The following TRIO variants were observed in gnomAD, a reference collection of about 807,000 sequenced individuals.
TRIO encodes the protein trio Rho guanine nucleotide exchange factor.
A neutral mutation model predicts 351.9 loss-of-function variants in TRIO; 58 were observed. The observed-to-expected ratio is 0.16, with a 90% CI of 0.13 to 0.21. TRIO has a LOEUF of 0.21. TRIO is among the 10% of genes least tolerant of loss of function. The probability of loss-of-function intolerance (pLI) is 1.00; values close to 1 mark genes in which losing one functional copy is unlikely to be tolerated. For missense variants in TRIO, 3,201 were observed against 4,027.8 expected (o/e 0.79, Z 5.56); for synonymous variants, 1,758 against 1,595.7 (o/e 1.10, Z -2.42).
At chr5:14,463,241 G>A (rs1296572340) in intron 36 of TRIO, among the ~76,000 whole-genome samples, 1 of 152,216 alleles carries the variant, frequency 6.6e-6, no homozygotes, top group Non-Finnish European at 1.5e-5. Context: ...TAGAATCCCT[G>A]AGAGAACAAT....
intron 1 of TRIO, among the ~76,000 whole-genome samples, chr5:14,246,138 G>C (rs1025006939): frequency 6.6e-6 from 1 of 152,070 alleles, no homozygotes; most frequent in African/African-American, 2.4e-5. Context: ...CTACAGTTTC[G>C]TTGTATCCTT....
At chr5:14,503,392 C>T (rs576679942) in intron 54 of TRIO, among the ~76,000 whole-genome samples, 9 of 152,246 alleles carry the variant, frequency 5.9e-5, no homozygotes, top group Middle Eastern at 3.2e-3. Flanking sequence ...AAAAGTCACA[C>T]CAGCACATGC....
At chr5:14,276,758 G>A (rs946550183) in intron 2 of TRIO, among the ~76,000 whole-genome samples, 1 of 152,222 alleles carries the variant, frequency 6.6e-6, no homozygotes, top group African/African-American at 2.4e-5. Flanking sequence ...CTAAATAAGT[G>A]AAAGGTGAGC....
chr5:14,383,640 G>C (rs1475234694), intron 21 of TRIO, among the ~76,000 whole-genome samples: 1 of 152,118 alleles, frequency 6.6e-6, no homozygotes, highest in African/African-American at 2.4e-5. Context: ...TTCTTTTGTT[G>C]GGTTTATTGA....
intron 1 of TRIO, among the ~76,000 whole-genome samples, chr5:14,166,362 C>T (rs1788763853): frequency 6.6e-6 from 1 of 152,224 alleles, no homozygotes; most frequent in South Asian, 2.1e-4. Context: ...CCCCTTTAAG[C>T]ACAGTTTTGT....
At chr5:14,409,106 T>A (rs892977347) in intron 33 of TRIO, among the ~76,000 whole-genome samples, 1 of 152,048 alleles carries the variant, frequency 6.6e-6, no homozygotes, top group Non-Finnish European at 1.5e-5. Flanking sequence ...CCACGACTTA[T>A]CTCCTGCGTG....
At chr5:14,502,451 G>T (rs1043735066) in intron 53 of TRIO, 128 bp from the exon 54 acceptor site, 14 of 769,318 alleles carry the variant, frequency 1.8e-5, no homozygotes, top group Admixed American at 6.2e-5. Context: ...ATCTCCACTC[G>T]CATGAGCCGT....
At position 14,390,888 on chromosome 5, in the gene TRIO, T is replaced by C. The variant is rs1747025106; in HGVS notation, c.4129-13T>C. The C allele has an allele frequency of 6.3e-7, 1 of 1,587,880 alleles. No individual in the cohort carries two copies. On this transcript the variant is annotated splice_polypyrimidine_tract_variant and intron_variant, in intron 26 of 56. Transcript: ENST00000344204. ...TATGATTTAAATGAGATCTTTTTTT[T>C]TTTGGCTTACAGGCAGACAAGTTTC...
At chr5:14,308,399 C>CCCAT (rs1239215159) in intron 8 of TRIO, among the ~76,000 whole-genome samples, 14 of 140,896 alleles carry the variant, frequency 9.9e-5, no homozygotes, top group East Asian at 4.7e-4. Flanking sequence ...CATTCAGTCA[C>CCCAT]CCATCCATCC....
At chr5:14,461,460 C>A in intron 35 of TRIO, 149 bp downstream of exon 35, 1 of 1,206,824 alleles carries the variant, frequency 8.3e-7, no homozygotes, top group Non-Finnish European at 1.1e-6. Flanking sequence ...GCTTAGCAGA[C>A]TGAGATTTAG....
intron 48 of TRIO, chr5:14,488,834 C>G (rs1463597394): frequency 1.5e-6 from 1 of 682,560 alleles, no homozygotes; most frequent in Admixed American, 2.1e-5. Context: ...CCGTGTTGCT[C>G]TGGAAGACAG....
intron 34 of TRIO, among the ~76,000 whole-genome samples, chr5:14,434,066 A>G (rs967707392): frequency 7.2e-5 from 11 of 152,154 alleles, no homozygotes; most frequent in African/African-American, 2.7e-4. Context: ...TTATGGGCAG[A>G]TTAATAACAG....
intron 1 of TRIO, among the ~76,000 whole-genome samples, chr5:14,192,525 C>T (rs923178754): frequency 3.9e-5 from 6 of 152,236 alleles, no homozygotes; most frequent in Admixed American, 6.5e-5. Flanking sequence ...CCTCCCGCTT[C>T]GGCCTCTCAC....
At chr5:14,268,738 A>C (rs575367673) in intron 1 of TRIO, among the ~76,000 whole-genome samples, 27 of 152,288 alleles carry the variant, frequency 1.8e-4, no homozygotes, top group Admixed American at 1.6e-3. Context: ...CTGCCTATGA[A>C]CATTTCATAA....
At chr5:14,358,446 G>T (rs1331007655) in intron 12 of TRIO, 99 bp downstream of exon 12, 1 of 1,408,094 alleles carries the variant, frequency 7.1e-7, no homozygotes. Flanking sequence ...CTGCTTCTCT[G>T]TCCAGCTGAG....
At chr5:14,349,717 A>C (rs867092581) in intron 11 of TRIO, among the ~76,000 whole-genome samples, 1 of 152,200 alleles carries the variant, frequency 6.6e-6, no homozygotes, top group South Asian at 2.1e-4. Flanking sequence ...CTTTTAAAAA[A>C]ATGTTTATTT....
At chr5:14,240,850 T>A (rs1307573326) in intron 1 of TRIO, among the ~76,000 whole-genome samples, 1 of 152,254 alleles carries the variant, frequency 6.6e-6, no homozygotes, top group Non-Finnish European at 1.5e-5. Context: ...ACCCCTTTTT[T>A]AACTATTGAG....
intron 1 of TRIO, among the ~76,000 whole-genome samples, chr5:14,152,866 A>G (rs947598374): frequency 2.6e-5 from 4 of 152,212 alleles, no homozygotes; most frequent in Non-Finnish European, 5.9e-5. Flanking sequence ...CAGGGGCTTC[A>G]CTGTAGAGTC....
At chr5:14,265,411 T>TA (rs1245573387) in intron 1 of TRIO, among the ~76,000 whole-genome samples, 1 of 152,140 alleles carries the variant, frequency 6.6e-6, no homozygotes, top group Non-Finnish European at 1.5e-5. Context: ...AATACAGGAT[T>TA]AAAAAAATAA....
Sources: allele counts gnomAD v4.1 joint callset (sites outside exome capture counted in the v4.1 genomes callset), GRCh38; gene constraint gnomAD v4.1.1; transcripts MANE v1.5; gene names NCBI Gene and HGNC (gene_info 2026-07-23, HGNC 2026-07-21).